Variants in EYS observed in about 807,000 individuals in gnomAD.
EYS encodes protein eyes shut homolog.
Under a neutral mutation model 282.1 loss-of-function variants are expected in EYS, and 250 were observed. The ratio of observed to expected loss-of-function variants is 0.89; its 90% CI spans 0.80 to 0.98. The LOEUF is 0.98. EYS is among the 50% of genes least tolerant of loss of function. The pLI, the probability that EYS is intolerant of heterozygous loss-of-function variation, is 0.00. For missense variants in EYS, 4,016 were observed against 3,709.0 expected, an observed-to-expected ratio of 1.08 and a Z score of -2.15; for synonymous variants, 1,355 against 1,282.9, an observed-to-expected ratio of 1.06 and a Z score of -1.20.
intron 14 of EYS, among the ~76,000 whole-genome samples, chr6:64,947,582 T>C (rs927274287): frequency 1.3e-5 from 2 of 151,728 alleles, no homozygotes; most frequent in Non-Finnish European, 2.9e-5. Flanking sequence ...CCATGCTCCC[T>C]ACATTGTTAA....
chr6:64,891,116 A>G (rs139625780), intron 18 of EYS, among the ~76,000 whole-genome samples: 215 of 152,128 alleles, frequency 1.4e-3, no homozygotes, highest in African/African-American at 4.7e-3. Flanking sequence ...CTGGGATTCT[A>G]GAGTCCATTT....
chr6:64,818,243 G>C (rs571415598), intron 21 of EYS, among the ~76,000 whole-genome samples: 1 of 152,160 alleles, frequency 6.6e-6, no homozygotes, highest in African/African-American at 2.4e-5. Context: ...TGCATATCCA[G>C]AACTTAAATT....
At chr6:64,715,776 C>T (rs1029224386) in intron 22 of EYS, among the ~76,000 whole-genome samples, 5 of 152,150 alleles carry the variant, frequency 3.3e-5, no homozygotes, top group African/African-American at 1.2e-4. Flanking sequence ...TTGAATGCCT[C>T]CACTTTATCT....
chr6:64,758,188 G>C (rs1773020071), intron 22 of EYS, among the ~76,000 whole-genome samples: 2 of 151,942 alleles, frequency 1.3e-5, no homozygotes, highest in Admixed American at 1.3e-4. Context: ...TTCATTGATA[G>C]GGATCCTGGG....
chr6:64,856,615 A>G (rs549350645), intron 19 of EYS, among the ~76,000 whole-genome samples: 13 of 151,456 alleles, frequency 8.6e-5, no homozygotes, highest in African/African-American at 2.2e-4. Flanking sequence ...TTTTTAAAGG[A>G]CTTTTTTTCT....
intron 12 of EYS, among the ~76,000 whole-genome samples, chr6:65,079,939 T>TA (rs906951673): frequency 6.6e-6 from 1 of 152,158 alleles, no homozygotes; most frequent in African/African-American, 2.4e-5. Flanking sequence ...AAAAATATCT[T>TA]AGATTTTTCT....
chr6:64,198,380 A>G (rs1324945707), intron 31 of EYS, among the ~76,000 whole-genome samples: 1 of 152,064 alleles, frequency 6.6e-6, no homozygotes, highest in Non-Finnish European at 1.5e-5. Flanking sequence ...ACATAGGTAT[A>G]CATGTGCCAT....
chr6:64,403,281 C>A (rs977810193), intron 28 of EYS, among the ~76,000 whole-genome samples: 1 of 151,934 alleles, frequency 6.6e-6, no homozygotes, highest in Admixed American at 6.6e-5. Context: ...AAATATGGTA[C>A]TTGACAATTT....
At chr6:64,963,979 TA>T (rs1770013999) in intron 14 of EYS, among the ~76,000 whole-genome samples, 1 of 152,118 alleles carries the variant, frequency 6.6e-6, no homozygotes. Context: ...TACCTACTTT[TA>T]AGCAATAGGG....
chr6:64,344,129 T>C (rs139799820), intron 29 of EYS, among the ~76,000 whole-genome samples: 4,734 of 151,996 alleles, frequency 0.031, 230 homozygotes, highest in African/African-American at 0.11. Context: ...ACCAGAGGTA[T>C]AAGGAGGAGC....
chr6:64,489,657 T>G (rs1254697460), intron 26 of EYS, among the ~76,000 whole-genome samples: 1 of 150,214 alleles, frequency 6.7e-6, no homozygotes, highest in African/African-American at 2.4e-5. Flanking sequence ...TTTTAGGTAC[T>G]TGTTAATGCA....
intron 36 of EYS, among the ~76,000 whole-genome samples, chr6:63,848,350 T>C (rs142823463): frequency 1.9e-3 from 294 of 152,152 alleles, no homozygotes; most frequent in Middle Eastern, 6.8e-3. Flanking sequence ...TTTTAAAAAC[T>C]AAAAATAAGC....
intron 22 of EYS, among the ~76,000 whole-genome samples, chr6:64,766,649 A>AAAAT (rs1387919586): frequency 2.6e-4 from 5 of 19,070 alleles, no homozygotes; most frequent in African/African-American, 5.5e-4. Context: ...AAAAAAAAAA[A>AAAAT]ATATATATAT....
At chr6:64,653,769 T>G (rs572444743) in intron 22 of EYS, among the ~76,000 whole-genome samples, 1 of 150,950 alleles carries the variant, frequency 6.6e-6, no homozygotes, top group Admixed American at 6.6e-5. Context: ...CTTACTATGT[T>G]GCCAAGGCTG....
At chr6:64,986,433 T>C (rs1770859457) in intron 14 of EYS, among the ~76,000 whole-genome samples, 2 of 151,334 alleles carry the variant, frequency 1.3e-5, no homozygotes, top group Admixed American at 1.3e-4. Flanking sequence ...TATTTCACAA[T>C]TTTAACTTGA....
intron 8 of EYS, among the ~76,000 whole-genome samples, chr6:65,367,096 G>A (rs1764942444): frequency 6.6e-6 from 1 of 151,602 alleles, no homozygotes; most frequent in Non-Finnish European, 1.5e-5. Context: ...GGACACAGAG[G>A]ACACAGGGGA....
chr6:63,930,457 T>G (rs568815285), intron 35 of EYS, among the ~76,000 whole-genome samples: 1 of 152,282 alleles, frequency 6.6e-6, no homozygotes, highest in Admixed American at 6.5e-5. Flanking sequence ...ATTAGTAGTG[T>G]GCTATGATTA....
At chr6:65,152,499 G>A (rs757125594) in intron 12 of EYS, among the ~76,000 whole-genome samples, 9 of 151,874 alleles carry the variant, frequency 5.9e-5, no homozygotes, top group Non-Finnish European at 8.8e-5. Context: ...ATGCACAGAA[G>A]GGCAATCAGG....
chr6:63,909,012 A>T (rs1405117428), intron 35 of EYS, among the ~76,000 whole-genome samples: 5 of 151,982 alleles, frequency 3.3e-5, no homozygotes, highest in Non-Finnish European at 7.4e-5. Flanking sequence ...TGAACACTGG[A>T]TTATTGGCTG....
Sources: allele counts gnomAD v4.1 joint callset (sites outside exome capture counted in the v4.1 genomes callset), GRCh38; gene constraint gnomAD v4.1.1; transcripts MANE v1.5; gene names NCBI Gene and HGNC (gene_info 2026-07-23, HGNC 2026-07-21).